The following EYS variants were observed in gnomAD, a reference collection of about 807,000 sequenced individuals.
EYS encodes the protein EGF-like photoreceptor maintenance factor, also known as protein eyes shut homolog.
In EYS, 250 loss-of-function variants were observed where a neutral mutation model predicts 282.1. The observed-to-expected ratio is 0.89, with a 90% CI of 0.80 to 0.98. The LOEUF (loss-of-function observed/expected upper bound fraction) is 0.98. EYS is among the 50% of genes least tolerant of loss of function. The pLI is 0.00. For missense variants in EYS, 4,016 were observed against 3,709.0 expected, an observed-to-expected ratio of 1.08 and a Z score of -2.15; for synonymous variants, 1,355 against 1,282.9, an observed-to-expected ratio of 1.06 and a Z score of -1.20.
intron 19 of EYS, among the ~76,000 whole-genome samples, chr6:64,851,495 A>T (rs1474502132): frequency 6.6e-6 from 1 of 152,078 alleles, no homozygotes; most frequent in African/African-American, 2.4e-5. Flanking sequence ...GGACTTATTG[A>T]TTTGATGTTA....
At chr6:63,924,417 G>A (rs1764658415) in intron 35 of EYS, among the ~76,000 whole-genome samples, 1 of 152,194 alleles carries the variant, frequency 6.6e-6, no homozygotes, top group Non-Finnish European at 1.5e-5. Flanking sequence ...GCATGCAAGT[G>A]ATACACTCTG....
chr6:65,516,314 A>C (rs1318094833), intron 2 of EYS, among the ~76,000 whole-genome samples: 1 of 152,094 alleles, frequency 6.6e-6, no homozygotes, highest in African/African-American at 2.4e-5. Flanking sequence ...GTCTAATTCT[A>C]AGAATTTAGG....
chr6:65,638,882 G>T (rs940112539), intron 2 of EYS, among the ~76,000 whole-genome samples: 1 of 152,218 alleles, frequency 6.6e-6, no homozygotes, highest in African/African-American at 2.4e-5. Context: ...ACTGGCCACA[G>T]AGGTTTCCAG....
intron 5 of EYS, among the ~76,000 whole-genome samples, chr6:65,462,770 T>C (rs1191662993): frequency 6.6e-6 from 1 of 152,046 alleles, no homozygotes; most frequent in African/African-American, 2.4e-5. Context: ...AAATTGTGAG[T>C]TATATGGCTT....
intron 19 of EYS, 149 bp from the exon 20 acceptor site, chr6:64,822,971 A>T: frequency 1.6e-6 from 1 of 634,088 alleles, no homozygotes; most frequent in Non-Finnish European, 2.7e-6. Context: ...ATATATTTCA[A>T]GGTTAAATAT....
At chr6:64,319,895 T>C (rs1219188279) in intron 29 of EYS, among the ~76,000 whole-genome samples, 3 of 152,016 alleles carry the variant, frequency 2.0e-5, no homozygotes, top group African/African-American at 7.2e-5. Context: ...CACCTGGCAC[T>C]CTTAATTTGC....
At chr6:64,215,375 A>G (rs931531464) in intron 31 of EYS, among the ~76,000 whole-genome samples, 3 of 152,086 alleles carry the variant, frequency 2.0e-5, no homozygotes, top group African/African-American at 7.2e-5. Flanking sequence ...GATTTACAAA[A>G]GAAGCGAAGG....
chr6:65,180,957 A>G (rs1765364986), intron 12 of EYS, among the ~76,000 whole-genome samples: 1 of 152,178 alleles, frequency 6.6e-6, no homozygotes, highest in South Asian at 2.1e-4. Flanking sequence ...GCAATGGGGA[A>G]AGGATTCCCT....
intron 31 of EYS, among the ~76,000 whole-genome samples, chr6:64,119,732 C>T (rs1405588183): frequency 6.6e-6 from 1 of 152,144 alleles, no homozygotes; most frequent in Admixed American, 6.5e-5. Flanking sequence ...GAAGAGATTG[C>T]ACAGAGGTGA....
chr6:64,756,392 A>G (rs1451548788), intron 22 of EYS, among the ~76,000 whole-genome samples: 1 of 152,140 alleles, frequency 6.6e-6, no homozygotes, highest in Non-Finnish European at 1.5e-5. Flanking sequence ...TGCTTTTTTA[A>G]GCATTAGATG....
chr6:65,077,877 T>A (rs1774103399), intron 12 of EYS, among the ~76,000 whole-genome samples: 1 of 152,108 alleles, frequency 6.6e-6, no homozygotes, highest in Non-Finnish European at 1.5e-5. Flanking sequence ...TTGAGATAAT[T>A]TTAATGGTTT....
chr6:65,284,431 T>C (rs1768304693), intron 12 of EYS, among the ~76,000 whole-genome samples: 2 of 152,026 alleles, frequency 1.3e-5, no homozygotes, highest in Non-Finnish European at 2.9e-5. Flanking sequence ...TAAGAAAAAA[T>C]ATCATTTTAA....
intron 14 of EYS, among the ~76,000 whole-genome samples, chr6:64,994,412 A>C (rs1357273164): frequency 6.6e-6 from 1 of 152,124 alleles, no homozygotes; most frequent in African/African-American, 2.4e-5. Flanking sequence ...AGCTATACAC[A>C]TACCAGGTTC....
intron 14 of EYS, among the ~76,000 whole-genome samples, chr6:64,965,027 A>G (rs1034320202): frequency 6.6e-5 from 10 of 152,094 alleles, no homozygotes; most frequent in African/African-American, 2.4e-4. Context: ...GTGAGACTCC[A>G]TCTCAAAAAA....
chr6:64,367,384 A>G (rs1277271639), intron 29 of EYS, among the ~76,000 whole-genome samples: 4 of 152,056 alleles, frequency 2.6e-5, no homozygotes, highest in African/African-American at 9.7e-5. Context: ...AAAATTATAT[A>G]TATTTGTAAT....
intron 33 of EYS, among the ~76,000 whole-genome samples, chr6:64,000,168 C>CTTTCAGTT (rs1562142218): frequency 2.3e-5 from 1 of 42,716 alleles, no homozygotes; most frequent in Non-Finnish European, 4.4e-5. Flanking sequence ...AGACATGGGA[C>CTTTCAGTT]TTTTTTTTTT....
chr6:64,729,323 TC>T (rs1219913468), intron 22 of EYS, among the ~76,000 whole-genome samples: 5 of 152,142 alleles, frequency 3.3e-5, no homozygotes, highest in Non-Finnish European at 2.9e-5. Context: ...TCACTTTCTA[TC>T]CCCTTCTGTG....
At chr6:65,214,214 AAGTT>A (rs1172329075) in intron 12 of EYS, among the ~76,000 whole-genome samples, 1 of 151,174 alleles carries the variant, frequency 6.6e-6, no homozygotes, top group African/African-American at 2.4e-5. Flanking sequence ...TAGGCTGAAA[AAGTT>A]AGGCCTCTTG....
At chr6:64,653,307 A>G (rs1189823713) in intron 22 of EYS, among the ~76,000 whole-genome samples, 1 of 152,160 alleles carries the variant, frequency 6.6e-6, no homozygotes. Flanking sequence ...CTATGAAACA[A>G]TAAATTTATT....
Sources: gnomAD v4.1 joint callset for allele counts (sites outside exome capture counted in the v4.1 genomes callset) on GRCh38, gnomAD v4.1.1 for gene constraint, MANE v1.5 for transcripts, NCBI Gene and HGNC (gene_info 2026-07-23, HGNC 2026-07-21) for gene names.